The following CGNL1 variants were observed in gnomAD, a reference collection of about 807,000 sequenced individuals.
The protein encoded by CGNL1 is cingulin-like protein 1.
CGNL1 carries 132 observed loss-of-function variants against 141.2 expected under a neutral mutation model. That is an observed-to-expected ratio of 0.93 (90% confidence interval 0.81 to 1.08). CGNL1 has a LOEUF of 1.08. CGNL1 is among the 50% of genes least tolerant of loss of function. The pLI is 0.00. For missense variants in CGNL1, 1,870 were observed against 1,588.6 expected (o/e 1.18, Z -3.01); for synonymous variants, 690 against 622.1 (o/e 1.11, Z -1.63).
At chr15:57,405,547 T>G (rs754125854) in intron 1 of CGNL1, among the ~76,000 whole-genome samples, 2 of 152,210 alleles carry the variant, frequency 1.3e-5, no homozygotes, top group African/African-American at 2.4e-5. Flanking sequence ...CTCCAGCTCT[T>G]TCCTACCTTT....
chr15:57,426,717 C>T (rs2152290242), intron 1 of CGNL1, among the ~76,000 whole-genome samples: 1 of 151,952 alleles, frequency 6.6e-6, no homozygotes, highest in South Asian at 2.1e-4. Context: ...CCTCAGCCTC[C>T]CAAAGTGTTG....
At position 57,547,866 on chromosome 15, in the gene CGNL1, G is replaced by T; in HGVS notation, c.*376G>T. On this transcript the variant is annotated 3_prime_UTR_variant, in exon 19 of 19. Transcript: ENST00000281282. ...GCTAGGACTTACTTAATAGCACTGTGCAGGGAGGAAACCATGTATAGCTTG... is the reference window on the plus strand; with the variant it reads ...GCTAGGACTTACTTAATAGCACTGTTCAGGGAGGAAACCATGTATAGCTTG... 1 of 196,858 alleles carries T rather than the reference G, an allele frequency of 5.1e-6. No homozygotes were observed. The highest frequency in any genetic ancestry group is 1.0e-5 in the Non-Finnish European group (1 of 98,086). The allele number at this position is 196,858 out of a possible 1,614,324, so 12.2% of individuals were successfully genotyped here. A position where few individuals can be genotyped will look rare whatever the true frequency, so the allele number is the denominator to read the frequency against.
chr15:57,536,112 A>G (rs1242098542), intron 14 of CGNL1, among the ~76,000 whole-genome samples: 1 of 152,210 alleles, frequency 6.6e-6, no homozygotes, highest in African/African-American at 2.4e-5. Flanking sequence ...GAGCAAAGGC[A>G]TGTCTTACAT....
In CGNL1 at chr15:57,547,559, G is replaced by C; in HGVS notation, c.*69G>C. 1 of 1,562,782 alleles carries C rather than the reference G, an allele frequency of 6.4e-7. No homozygotes were observed. Among genetic ancestry groups the C allele is most frequent in the South Asian group, 1.2e-5 (1 of 84,028 alleles). On this transcript the variant is annotated 3_prime_UTR_variant, in exon 19 of 19. Transcript: ENST00000281282. ...CTGCAGCCACCCAAAGTGGGAGGCA[G>C]GGAGGGGAGCATCTGTCTGCCACTG... is the stretch of plus-strand genomic sequence containing the variant.
intron 5 of CGNL1, among the ~76,000 whole-genome samples, 158 bp from the exon 6 acceptor site, chr15:57,451,983 T>G (rs1308256902): frequency 6.6e-6 from 1 of 152,246 alleles, no homozygotes; most frequent in African/African-American, 2.4e-5. Flanking sequence ...TGATGTTCTT[T>G]CTAGTTAAGA....
chr15:57,494,952 G>C (rs1405057209), intron 8 of CGNL1, among the ~76,000 whole-genome samples: 1 of 152,168 alleles, frequency 6.6e-6, no homozygotes, highest in African/African-American at 2.4e-5. Context: ...CATTGCTCCT[G>C]TCTTAGGGAT....
At chr15:57,463,799 C>T (rs1403472050) in intron 8 of CGNL1, among the ~76,000 whole-genome samples, 6 of 152,196 alleles carry the variant, frequency 3.9e-5, no homozygotes, top group Non-Finnish European at 7.3e-5. Flanking sequence ...CCTCTTCATA[C>T]GTGTAGAGTG....
intron 12 of CGNL1, among the ~76,000 whole-genome samples, chr15:57,525,259 C>T (rs998666422): frequency 1.1e-4 from 16 of 152,150 alleles, no homozygotes; most frequent in Non-Finnish European, 2.4e-4. Context: ...TTAAAACATT[C>T]GTTTTATATT....
intron 8 of CGNL1, among the ~76,000 whole-genome samples, chr15:57,499,518 G>A (rs779120856): frequency 8.9e-4 from 135 of 152,220 alleles, no homozygotes; most frequent in Non-Finnish European, 9.6e-4. Context: ...GATTACAGGC[G>A]TGAGCCACCG....
At chr15:57,425,808 T>C (rs1285684794) in intron 1 of CGNL1, among the ~76,000 whole-genome samples, 1 of 151,942 alleles carries the variant, frequency 6.6e-6, no homozygotes, top group Non-Finnish European at 1.5e-5. Context: ...CCTAAAAGGT[T>C]AAAATATATT....
intron 1 of CGNL1, among the ~76,000 whole-genome samples, chr15:57,409,829 A>G (rs900823002): frequency 6.6e-6 from 1 of 152,236 alleles, no homozygotes; most frequent in Non-Finnish European, 1.5e-5. Context: ...TTACCAGAAA[A>G]AAATAGAGAA....
chr15:57,508,065 G>T (rs2064128008), intron 8 of CGNL1, among the ~76,000 whole-genome samples: 1 of 152,162 alleles, frequency 6.6e-6, no homozygotes, highest in African/African-American at 2.4e-5. Context: ...TTTGGCATTG[G>T]AATCAACTCT....
At chr15:57,439,875 C>T (rs1053169622) in intron 2 of CGNL1, among the ~76,000 whole-genome samples, 3 of 152,122 alleles carry the variant, frequency 2.0e-5, no homozygotes, top group African/African-American at 7.2e-5. Context: ...CTCAATTGTT[C>T]TGTTTGTGTA....
rs772935742 is a variant in CGNL1, at chr15:57,453,828, G to A, written c.2190+10G>A. ...GGGAGCTCTGATTGAGGTAAGCAGG[G>A]CTGTGGGGTCAGGTGATAAGACAGG... On this transcript the variant is annotated intron_variant, in intron 7 of 18. Coordinates refer to ENST00000281282, the MANE Select transcript of CGNL1 (RefSeq NM_032866.5). 3 of 1,612,746 alleles carry A rather than the reference G, an allele frequency of 1.9e-6. No individual in the cohort carries two copies. Among genetic ancestry groups the A allele is most frequent in the Non-Finnish European group, 2.5e-6 (3 of 1,179,748 alleles).
chr15:57,449,523 C>T (rs1378562232), intron 4 of CGNL1, among the ~76,000 whole-genome samples: 3 of 152,032 alleles, frequency 2.0e-5, no homozygotes, highest in Admixed American at 6.6e-5. Flanking sequence ...TAGCATGGAG[C>T]GCACCTCTCA....
chr15:57,501,301 C>T (rs529861723), intron 8 of CGNL1, among the ~76,000 whole-genome samples: 6 of 152,340 alleles, frequency 3.9e-5, no homozygotes, highest in African/African-American at 1.4e-4. Context: ...AGTTTCCTCA[C>T]TTAGAAGCAA....
intron 1 of CGNL1, among the ~76,000 whole-genome samples, chr15:57,404,814 G>A (rs1432348069): frequency 6.6e-6 from 1 of 152,176 alleles, no homozygotes; most frequent in Non-Finnish European, 1.5e-5. Context: ...CATGTCAAGA[G>A]GGTACTTGGG....
intron 1 of CGNL1, among the ~76,000 whole-genome samples, chr15:57,397,637 A>G (rs1176272944): frequency 6.6e-6 from 1 of 152,160 alleles, no homozygotes; most frequent in Non-Finnish European, 1.5e-5. Flanking sequence ...AGTTTTTCCC[A>G]TCGTTTTAAT....
Position 57,543,705 on chromosome 15 carries a change from T to A in CGNL1, c.3301T>A (p.Leu1101Met), listed in dbSNP as rs1620402. The A allele has an allele frequency of 2.5e-6, 4 of 1,612,982 alleles. No homozygotes were observed. Among genetic ancestry groups the A allele is most frequent in the African/African-American group, 2.7e-5 (2 of 74,754 alleles). Residue 1101 changes from leucine (L) to methionine (M), a missense_variant, in exon 15 of 19, where the codon TTG becomes ATG. By Grantham distance (15) the Leu-to-Met change is conservative (BLOSUM62 2). Coordinates refer to ENST00000281282, the MANE Select transcript of CGNL1 (RefSeq NM_032866.5). Reference protein sequence around the residue: ...ISRSREQMEQLRNELLQERAA... With the variant: ...ISRSREQMEQMRNELLQERAA... Reference sequence around the variant, plus strand: ...GTTCTGCTTGCTGTAGATGGAGCAGTTGAGGAATGAGCTACTTCAGGAGAG... The same window carrying A: ...GTTCTGCTTGCTGTAGATGGAGCAGATGAGGAATGAGCTACTTCAGGAGAG...
Sources: gnomAD v4.1 joint callset for allele counts (sites outside exome capture counted in the v4.1 genomes callset) on GRCh38, gnomAD v4.1.1 for gene constraint, MANE v1.5 for transcripts, NCBI Gene and HGNC (gene_info 2026-07-23, HGNC 2026-07-21) for gene names.